Variants in RAD18 observed in about 807,000 individuals in gnomAD.
RAD18 encodes RAD18 E3 ubiquitin protein ligase.
A neutral mutation model predicts 60.4 loss-of-function variants in RAD18; 47 were observed. The ratio of observed to expected loss-of-function variants is 0.78; its 90% CI spans 0.62 to 0.99. The LOEUF is 0.99. Ranked by LOEUF, RAD18 falls within the 50% of genes least tolerant of loss-of-function variation. RAD18 has a pLI of 0.00. For missense variants in RAD18, 640 were observed against 593.3 expected, an observed-to-expected ratio of 1.08 and a Z score of -0.82; for synonymous variants, 225 against 195.5, an observed-to-expected ratio of 1.15 and a Z score of -1.26.
Position 8,939,081 on chromosome 3 carries a change from A to G in RAD18, c.704+473T>C, listed in dbSNP as rs954018059. Among the ~76,000 whole-genome samples, 8 of 152,078 alleles carry G rather than the reference A, an allele frequency of 5.3e-5. No individual in the cohort carries two copies. The South Asian group carries it at 1.7e-3, about 32-fold the overall frequency. ...TTACATTTCATATATGCATTTTTGT[A>G]CCTTTTTATATCATATATATTTATA... On this transcript the variant is annotated intron_variant, in intron 6 of 12. Transcript: ENST00000264926.
intron 4 of RAD18, 42 bp downstream of exon 4, chr3:8,947,178 A>G (rs753226109): frequency 4.8e-6 from 7 of 1,459,048 alleles, no homozygotes; most frequent in Non-Finnish European, 5.7e-6. Context: ...CACATATAAA[A>G]GGCAAAAGTA....
chr3:8,956,317 C>T (rs28703732), intron 2 of RAD18, among the ~76,000 whole-genome samples: 34,234 of 152,046 alleles, frequency 0.23, 6,538 homozygotes, highest in African/African-American at 0.52. Flanking sequence ...GTGACAATTA[C>T]TGCCATGCTG....
intron 5 of RAD18, 49 bp from the exon 6 acceptor site, chr3:8,939,702 G>A (rs776261003): frequency 6.9e-6 from 10 of 1,459,740 alleles, no homozygotes; most frequent in South Asian, 3.6e-5. Flanking sequence ...TGTAGAAGGG[G>A]CAAAAGTATG....
At chr3:8,924,558 A>G (rs1342233438) in intron 7 of RAD18, among the ~76,000 whole-genome samples, 2 of 139,352 alleles carry the variant, frequency 1.4e-5, no homozygotes, top group Non-Finnish European at 3.1e-5. Flanking sequence ...TGCACCAAGC[A>G]GACCTAATAG....
intron 1 of RAD18, among the ~76,000 whole-genome samples, chr3:8,959,879 CA>C (rs71307734): frequency 0.034 from 2,122 of 63,270 alleles, 20 homozygotes; most frequent in African/African-American, 0.072. Flanking sequence ...GAAACTGTCT[CA>C]AAAAAAAAAA....
At chr3:8,898,263 G>A (rs986364557) in intron 11 of RAD18, among the ~76,000 whole-genome samples, 1 of 152,074 alleles carries the variant, frequency 6.6e-6, no homozygotes, top group Non-Finnish European at 1.5e-5. Context: ...AAGCTATTAT[G>A]TTGGTGCAAA....
chr3:8,895,559 A>T (rs1939768780), intron 11 of RAD18, among the ~76,000 whole-genome samples: 1 of 152,236 alleles, frequency 6.6e-6, no homozygotes, highest in South Asian at 2.1e-4. Flanking sequence ...TTTATTAACC[A>T]ATTTATGATG....
chr3:8,923,891 C>A (rs1411086425), intron 7 of RAD18, among the ~76,000 whole-genome samples: 1 of 152,146 alleles, frequency 6.6e-6, no homozygotes, highest in Non-Finnish European at 1.5e-5. Context: ...ACCAGGCCTG[C>A]CCTAAAAGAG....
intron 7 of RAD18, among the ~76,000 whole-genome samples, chr3:8,924,174 A>G (rs1298601033): frequency 7.2e-5 from 11 of 152,166 alleles, no homozygotes; most frequent in Non-Finnish European, 1.3e-4. Context: ...CTCATCTCAC[A>G]TGCAGAGACA....
At chr3:8,937,616 A>G (rs1366304410) in intron 6 of RAD18, among the ~76,000 whole-genome samples, 1 of 152,182 alleles carries the variant, frequency 6.6e-6, no homozygotes, top group Non-Finnish European at 1.5e-5. Context: ...TCCGTGGCCA[A>G]GATACAACTA....
chr3:8,934,275 G>T (rs540021150), intron 7 of RAD18, among the ~76,000 whole-genome samples: 1 of 152,172 alleles, frequency 6.6e-6, no homozygotes, highest in Non-Finnish European at 1.5e-5. Flanking sequence ...TAATGAATTG[G>T]ACTATTTTAG....
Position 8,930,895 on chromosome 3 carries a change from A to G in RAD18, c.889+4976T>C, listed in dbSNP as rs376442886. Among the ~76,000 whole-genome samples, 169 of 152,290 alleles carry G rather than the reference A, an allele frequency of 1.1e-3. 3 individuals are homozygous for G. The highest frequency in any genetic ancestry group is 3.9e-3 in the African/African-American group (163 of 41,572). Reference sequence around the variant, plus strand: ...TTCTGGGGAGACAGACCCTTGAAAAATCAGATGAAAGTCAGAGATCCTTTC... The same window carrying G: ...TTCTGGGGAGACAGACCCTTGAAAAGTCAGATGAAAGTCAGAGATCCTTTC... On this transcript the variant is annotated intron_variant, in intron 7 of 12. Transcript: ENST00000264926.
chr3:8,878,724 A>T lies in RAD18; in HGVS notation c.*2633T>A, dbSNP rs1214041016. On this transcript the variant is annotated 3_prime_UTR_variant, in exon 13 of 13. Coordinates refer to ENST00000264926, the MANE Select transcript of RAD18 (RefSeq NM_020165.4). Reference sequence around the variant, plus strand: ...AAAAGAAAGACGAGAGTAGAGGATGAAAGGACGGCCTGGCATACTAGGCCA... The same window carrying T: ...AAAAGAAAGACGAGAGTAGAGGATGTAAGGACGGCCTGGCATACTAGGCCA... 2.6e-5 allele frequency: 4 copies of T among 152,222 alleles called. No homozygotes were observed. Among genetic ancestry groups the T allele is most frequent in the Admixed American group, 6.5e-5 (1 of 15,294 alleles). The allele number at this position is 152,222 out of a possible 1,614,324, so 9.4% of individuals were successfully genotyped here. A position where few individuals can be genotyped will look rare whatever the true frequency, so the allele number is the denominator to read the frequency against.
chr3:8,899,811 G>A (rs963544172), intron 10 of RAD18, among the ~76,000 whole-genome samples: 17 of 152,148 alleles, frequency 1.1e-4, no homozygotes, highest in African/African-American at 4.1e-4. Flanking sequence ...CATCTGTGCT[G>A]TCCTTAACTT....
At chr3:8,910,393 G>C (rs1459752121) in intron 9 of RAD18, among the ~76,000 whole-genome samples, 1 of 152,158 alleles carries the variant, frequency 6.6e-6, no homozygotes, top group Admixed American at 6.5e-5. Flanking sequence ...GAGGTCAGGA[G>C]ATCGAGACCA....
intron 7 of RAD18, among the ~76,000 whole-genome samples, chr3:8,928,596 T>C (rs1487400813): frequency 1.3e-5 from 2 of 152,058 alleles, no homozygotes; most frequent in African/African-American, 4.8e-5. Flanking sequence ...AGATACATAA[T>C]AATACTAAGA....
At chr3:8,921,631 C>A (rs1940322017) in intron 7 of RAD18, among the ~76,000 whole-genome samples, 1 of 151,838 alleles carries the variant, frequency 6.6e-6, no homozygotes. Flanking sequence ...CAGAGCAAGA[C>A]CCTATCTTTA....
intron 1 of RAD18, among the ~76,000 whole-genome samples, chr3:8,959,891 A>AG (rs1344357049): frequency 6.6e-6 from 1 of 151,980 alleles, no homozygotes; most frequent in East Asian, 1.9e-4. Context: ...AAAAAAAAAA[A>AG]AAAAAAGAGG....
intron 5 of RAD18, among the ~76,000 whole-genome samples, chr3:8,940,222 G>A (rs540173719): frequency 1.6e-4 from 25 of 152,226 alleles, no homozygotes; most frequent in Non-Finnish European, 1.0e-4. Flanking sequence ...AGGGATCTGT[G>A]GGGGTATCTC....
Sources: gnomAD v4.1 joint callset for allele counts (sites outside exome capture counted in the v4.1 genomes callset) on GRCh38, gnomAD v4.1.1 for gene constraint, MANE v1.5 for transcripts, NCBI Gene and HGNC (gene_info 2026-07-23, HGNC 2026-07-21) for gene names.